Variants in RAD9B observed in about 807,000 individuals in gnomAD.
RAD9B encodes the protein RAD9 checkpoint clamp component B.
Under a neutral mutation model 48.3 loss-of-function variants are expected in RAD9B, and 41 were observed. The ratio of observed to expected loss-of-function variants is 0.85; its 90% CI spans 0.66 to 1.10. The LOEUF is 1.10. Among genes scored for constraint, RAD9B ranks in the 50% least tolerant of loss-of-function variants. RAD9B has a pLI of 0.00. For missense variants in RAD9B, 444 were observed against 485.1 expected (o/e 0.92, Z 0.80); for synonymous variants, 160 against 157.9 (o/e 1.01, Z -0.10).
intron 6 of RAD9B, among the ~76,000 whole-genome samples, chr12:110,516,579 A>C (rs972232494): frequency 6.6e-6 from 1 of 152,174 alleles, no homozygotes; most frequent in Non-Finnish European, 1.5e-5. Context: ...TGGGAGGCTG[A>C]GGCAGGCGGA....
chr12:110,521,676 C>T (rs1247472925), intron 9 of RAD9B, among the ~76,000 whole-genome samples: 2 of 151,684 alleles, frequency 1.3e-5, no homozygotes, highest in African/African-American at 4.8e-5. Flanking sequence ...CTGCCTCAGC[C>T]TCCAGAGTAG....
intron 10 of RAD9B, among the ~76,000 whole-genome samples, chr12:110,525,057 T>G (rs922040756): frequency 6.6e-6 from 1 of 152,070 alleles, no homozygotes; most frequent in Non-Finnish European, 1.5e-5. Context: ...TGCAATCTGG[T>G]TCACTGCAAC....
At chr12:110,506,013 T>C (rs576155084) in intron 3 of RAD9B, among the ~76,000 whole-genome samples, 1 of 152,030 alleles carries the variant, frequency 6.6e-6, no homozygotes, top group Admixed American at 6.6e-5. Context: ...GCCTCCCAAG[T>C]AGCTGGGATT....
intron 10 of RAD9B, among the ~76,000 whole-genome samples, chr12:110,524,886 A>G (rs1254443734): frequency 3.3e-5 from 5 of 151,964 alleles, no homozygotes; most frequent in Non-Finnish European, 5.9e-5. Context: ...TCAGTATAAC[A>G]GTACAATGAT....
chr12:110,514,319 G>GAATTTAT (rs1189525319), intron 5 of RAD9B, among the ~76,000 whole-genome samples: 1 of 151,910 alleles, frequency 6.6e-6, no homozygotes, highest in Non-Finnish European at 1.5e-5. Flanking sequence ...AAGGAGTGCA[G>GAATTTAT]AATTTATAAT....
intron 10 of RAD9B, among the ~76,000 whole-genome samples, chr12:110,525,160 G>A (rs1022698281): frequency 1.3e-5 from 2 of 151,728 alleles, no homozygotes; most frequent in African/African-American, 2.4e-5. Flanking sequence ...TAATTTTTTT[G>A]TATTTTTTTT....
intron 5 of RAD9B, among the ~76,000 whole-genome samples, chr12:110,514,063 T>C (rs752686242): frequency 1.3e-5 from 2 of 151,902 alleles, no homozygotes; most frequent in Non-Finnish European, 2.9e-5. Flanking sequence ...CTTCCTTGCT[T>C]CCTTCCTTCC....
At chr12:110,502,963 G>C (rs1466919086) in intron 1 of RAD9B, 1 of 153,948 alleles carries the variant, frequency 6.5e-6, no homozygotes, top group East Asian at 1.9e-4. Context: ...ATGGAAGTTA[G>C]GCCGGGTGCA....
In RAD9B at chr12:110,530,813, A is replaced by G. The variant is rs1593129132; in HGVS notation, c.*160A>G. ...ATCATCTTGTACAACAACCATATCTAGAAATAGCTGTTTGTCAAGTGTATG... is the reference window on the plus strand; with the variant it reads ...ATCATCTTGTACAACAACCATATCTGGAAATAGCTGTTTGTCAAGTGTATG... On this transcript the variant is annotated 3_prime_UTR_variant, in exon 11 of 11. Coordinates refer to ENST00000409300, the MANE Select transcript of RAD9B (RefSeq NM_001286535.2). The G allele has an allele frequency of 7.1e-7, 1 of 1,414,854 alleles. No individual in the cohort carries two copies. The highest frequency in any genetic ancestry group is 9.2e-7 in the Non-Finnish European group (1 of 1,085,672). The allele number at this position is 1,414,854 out of a possible 1,614,324, so 87.6% of individuals were successfully genotyped here.
chr12:110,508,516 C>A (rs562569629), intron 4 of RAD9B, among the ~76,000 whole-genome samples: 175 of 152,260 alleles, frequency 1.1e-3, no homozygotes, highest in Non-Finnish European at 1.9e-3. Context: ...CCTTAGGTTA[C>A]AAGTAACAAA....
At chr12:110,519,697 T>C (rs548543039) in intron 8 of RAD9B, 97 bp from the exon 9 acceptor site, 2 of 1,386,090 alleles carry the variant, frequency 1.4e-6, no homozygotes, top group African/African-American at 3.0e-5. Flanking sequence ...TGGCCTCCCC[T>C]GTTTCTTTTT....
chr12:110,503,817 G>C lies in RAD9B; in HGVS notation c.58G>C (p.Ala20Pro). 1 of 1,607,654 alleles carries C rather than the reference G, an allele frequency of 6.2e-7. No individual in the cohort carries two copies. The highest frequency in any genetic ancestry group is 8.5e-7 in the Non-Finnish European group (1 of 1,176,746). ...SGSQVKVFGK[A>P]VQALSRISDE... ...CTTTTTCTCCATAGTATTTGGGAAAGCAGTTCAAGCTCTATCACGAATTAG... is the reference window on the plus strand; with the variant it reads ...CTTTTTCTCCATAGTATTTGGGAAACCAGTTCAAGCTCTATCACGAATTAG... The change falls in exon 2 of 11, where the codon GCA becomes CCA. Residue 20 changes from alanine (A) to proline (P), a missense_variant. Physicochemically the swap from Ala to Pro is conservative, Grantham distance 27. Coordinates refer to ENST00000409300, the MANE Select transcript of RAD9B (RefSeq NM_001286535.2).
At chr12:110,503,943 T>C (rs1463734265) in intron 2 of RAD9B, 67 bp downstream of exon 2, 8 of 931,034 alleles carry the variant, frequency 8.6e-6, no homozygotes, top group African/African-American at 1.7e-5. Flanking sequence ...CCAGTCCAGA[T>C]TGAATGTTAA....
intron 1 of RAD9B, chr12:110,503,358 C>T: frequency 6.2e-6 from 1 of 161,024 alleles, no homozygotes; most frequent in South Asian, 1.6e-4. Context: ...CCTCAAACAT[C>T]AGAGATGTAT....
Position 110,530,927 on chromosome 12 carries a change from C to A in RAD9B, c.*274C>A, listed in dbSNP as rs980380661. 12 of 1,163,940 alleles carry A rather than the reference C, an allele frequency of 1.0e-5. No homozygotes were observed. Among genetic ancestry groups the A allele is most frequent in the Middle Eastern group, 7.5e-4 (2 of 2,680 alleles). The allele number at this position is 1,163,940 out of a possible 1,614,324, so 72.1% of individuals were successfully genotyped here. A position where few individuals can be genotyped will look rare whatever the true frequency, so the allele number is the denominator to read the frequency against. On this transcript the variant is annotated 3_prime_UTR_variant, in exon 11 of 11. Coordinates refer to ENST00000409300, the MANE Select transcript of RAD9B (RefSeq NM_001286535.2). ...CCCATTAGAGTTCTTCAATTCAATG[C>A]ACGTTCACCCTAGAGCTTTTAACAT... is the stretch of plus-strand genomic sequence containing the variant.
At chr12:110,511,460 A>G in intron 4 of RAD9B, 1 of 454,042 alleles carries the variant, frequency 2.2e-6, no homozygotes. Context: ...CACTATGTTA[A>G]GTGAAATAAG....
intron 1 of RAD9B, 81 bp downstream of exon 1, chr12:110,502,464 T>C (rs1206758537): frequency 2.8e-5 from 43 of 1,527,122 alleles, no homozygotes; most frequent in Non-Finnish European, 3.8e-5. Context: ...TGTCTAATTT[T>C]TCCTCTTTGC....
Position 110,518,880 on chromosome 12 carries a change from C to G in RAD9B, c.709C>G (p.Leu237Val). The G allele has an allele frequency of 1.3e-6, 2 of 1,578,374 alleles. No homozygotes were observed. Among genetic ancestry groups the G allele is most frequent in the Non-Finnish European group, 1.7e-6 (2 of 1,161,466 alleles). ...TCTTCTTTTCTTTTTTCAGGGAATA[C>G]TGACATTTTCAGAAGCTACACATGC... ...TFCFKELKGILTFSEATHAPI... is the reference protein window; with the variant it reads ...TFCFKELKGIVTFSEATHAPI... The change falls in exon 8 of 11, where the codon CTG becomes GTG. Residue 237 changes from leucine (L) to valine (V), a missense_variant. Leu to Val is a conservative substitution (Grantham distance 32). Coordinates refer to ENST00000409300, the MANE Select transcript of RAD9B (RefSeq NM_001286535.2).
At chr12:110,506,530 T>G (rs372971356) in intron 3 of RAD9B, 49 bp from the exon 4 acceptor site, 1 of 958,164 alleles carries the variant, frequency 1.0e-6, no homozygotes, top group Middle Eastern at 2.1e-4. Flanking sequence ...GTTTCTAAAA[T>G]GAATCAACCA....
Sources: gnomAD v4.1 joint callset for allele counts (sites outside exome capture counted in the v4.1 genomes callset) on GRCh38, gnomAD v4.1.1 for gene constraint, MANE v1.5 for transcripts, NCBI Gene and HGNC (gene_info 2026-07-23, HGNC 2026-07-21) for gene names.